TMTC1: variants seen among roughly 807,000 people sequenced by gnomAD.
TMTC1 encodes the protein transmembrane O-mannosyltransferase targeting cadherins 1.
A neutral mutation model predicts 104.8 loss-of-function variants in TMTC1; 73 were observed. The ratio of observed to expected loss-of-function variants is 0.70; its 90% confidence interval spans 0.58 to 0.85. The LOEUF is 0.85. TMTC1 is among the 40% of genes least tolerant of loss of function. TMTC1 has a pLI of 0.00. For synonymous variants in TMTC1, 434 were observed against 428.7 expected, an observed-to-expected ratio of 1.01 and a Z score of -0.15; for missense variants, 1,035 against 1,096.1, an observed-to-expected ratio of 0.94 and a Z score of 0.79.
chr12:29,563,272 A>C (rs1385542225), intron 9 of TMTC1, among the ~76,000 whole-genome samples: 2 of 152,170 alleles, frequency 1.3e-5, no homozygotes, highest in Non-Finnish European at 2.9e-5. Flanking sequence ...GTAATTGAAA[A>C]AGCTATATCC....
At chr12:29,750,364 C>G (rs1462531045) in intron 5 of TMTC1, among the ~76,000 whole-genome samples, 1 of 152,142 alleles carries the variant, frequency 6.6e-6, no homozygotes, top group African/African-American at 2.4e-5. Flanking sequence ...CCCTGCCTAA[C>G]TCTCTTCTGA....
At chr12:29,605,833 T>G (rs922453148) in intron 6 of TMTC1, among the ~76,000 whole-genome samples, 1 of 152,182 alleles carries the variant, frequency 6.6e-6, no homozygotes, top group Non-Finnish European at 1.5e-5. Flanking sequence ...TCGTACCCAA[T>G]AGCAAGTTTT....
At chr12:29,737,510 G>A (rs756064503) in intron 5 of TMTC1, among the ~76,000 whole-genome samples, 23 of 151,828 alleles carry the variant, frequency 1.5e-4, no homozygotes, top group Admixed American at 9.8e-4. Context: ...GTGAAACTCC[G>A]TCAAAAAAAT....
rs555054297 is a variant in TMTC1, at chr12:29,511,969, C to T, written c.2508+74G>A. 226 of 1,373,438 alleles carry T rather than the reference C, an allele frequency of 1.6e-4. No individual in the cohort carries two copies. The African/African-American group carries it at 2.9e-3, about 18-fold the overall frequency. The allele number at this position is 1,373,438 out of a possible 1,614,324, so 85.1% of individuals were successfully genotyped here. A position where few individuals can be genotyped will look rare whatever the true frequency, so the allele number is the denominator to read the frequency against. On this transcript the variant is annotated intron_variant, in intron 17 of 17. Transcript: ENST00000539277. Reference sequence around the variant, plus strand: ...GGAAATTAACAATAGTTCCTCAATCCTTTAAGAAAGAAGACAGAGAGAGAA... The same window carrying T: ...GGAAATTAACAATAGTTCCTCAATCTTTTAAGAAAGAAGACAGAGAGAGAA...
chr12:29,705,934 G>A (rs757479926), intron 5 of TMTC1, among the ~76,000 whole-genome samples: 36 of 151,362 alleles, frequency 2.4e-4, no homozygotes, highest in Non-Finnish European at 4.4e-4. Flanking sequence ...TGTCTGCTTC[G>A]GGCTGAAGAA....
chr12:29,781,327 C>T (rs1296822283), intron 1 of TMTC1, among the ~76,000 whole-genome samples: 1 of 152,134 alleles, frequency 6.6e-6, no homozygotes, highest in Non-Finnish European at 1.5e-5. Flanking sequence ...TACAGCAAGC[C>T]ATGCCTCTTA....
intron 9 of TMTC1, among the ~76,000 whole-genome samples, chr12:29,568,069 G>T (rs913649731): frequency 6.6e-6 from 1 of 151,976 alleles, no homozygotes; most frequent in African/African-American, 2.4e-5. Context: ...CATATGGGAG[G>T]GAATACAAAG....
At position 29,541,261 on chromosome 12, in the gene TMTC1, T is replaced by C. The variant is rs1197682996; in HGVS notation, c.1677-4944A>G. ...ATCCACGTTTTGAAAATCTGTTCCTTACCAAGCACACTGCTAAGCCGCCTA... is the reference window on the plus strand; with the variant it reads ...ATCCACGTTTTGAAAATCTGTTCCTCACCAAGCACACTGCTAAGCCGCCTA... On this transcript the variant is annotated intron_variant, in intron 10 of 17. Transcript: ENST00000539277. Among the ~76,000 whole-genome samples, 5 of 152,284 alleles carry C rather than the reference T, an allele frequency of 3.3e-5. No homozygotes were observed. The East Asian group carries it at 9.7e-4, about 29-fold the overall frequency.
chr12:29,660,049 T>C (rs1239601369), intron 5 of TMTC1: 1 of 1,246,786 alleles, frequency 8.0e-7, no homozygotes, highest in Non-Finnish European at 1.1e-6. Flanking sequence ...GCAGGTGCAT[T>C]CTGTTCCTCT....
chr12:29,767,953 C>G lies in TMTC1; in HGVS notation c.425G>C (p.Gly142Ala). ...TCDKTVFKNRGLAFVTALLFA... is the reference protein window; with the variant it reads ...TCDKTVFKNRALAFVTALLFA... ...AAGCAATGCCGTTACAAAAGCAAGT[C>G]CACGATTCTTGAAGACAGTTTTATC... Residue 142 changes from glycine to alanine, a missense_variant, in exon 2 of 18, where the codon GGA becomes GCA. By Grantham distance (60) the Gly-to-Ala change is moderately conservative. Coordinates refer to ENST00000539277, the MANE Select transcript of TMTC1 (RefSeq NM_001193451.2). The G allele has an allele frequency of 6.2e-7, 1 of 1,613,890 alleles. No individual in the cohort carries two copies. Among genetic ancestry groups the G allele is most frequent in the Non-Finnish European group, 8.5e-7 (1 of 1,179,886 alleles).
At chr12:29,514,705 G>A in intron 15 of TMTC1, 101 bp from the exon 16 acceptor site, 2 of 1,266,790 alleles carry the variant, frequency 1.6e-6, no homozygotes, top group Non-Finnish European at 2.2e-6. Context: ...GTGTCAGCAG[G>A]TATGGTATGT....
intron 5 of TMTC1, among the ~76,000 whole-genome samples, chr12:29,653,721 T>G (rs79899780): frequency 0.048 from 7,331 of 152,200 alleles, 206 homozygotes; most frequent in Admixed American, 0.068. Context: ...AAAAGGAAAG[T>G]TAAAAGATTA....
Position 29,572,214 on chromosome 12 carries a change from C to T in TMTC1, c.1423G>A (p.Gly475Arg). 1 of 1,610,504 alleles carries T rather than the reference C, an allele frequency of 6.2e-7. No homozygotes were observed. The highest frequency in any genetic ancestry group is 8.5e-7 in the Non-Finnish European group (1 of 1,176,918). Residue 475 changes from glycine to arginine, a missense_variant, in exon 9 of 18, where the codon GGA (glycine) becomes AGA (arginine). Physicochemically the swap from Gly to Arg is moderately radical, Grantham distance 125. Transcript: ENST00000539277. ...WLSRESLFRS[G>R]VQTLPHNAKV... ...GCATTGTGGGGCAGAGTTTGAACTC[C>T]AGACCTAAAATGAATAAATTTTTAA... is the stretch of plus-strand genomic sequence containing the variant.
chr12:29,517,432 C>T lies in TMTC1; in HGVS notation c.2164G>A (p.Ala722Thr), dbSNP rs779701666. Residue 722 changes from alanine (A) to threonine (T), a missense_variant, in exon 14 of 18, where the codon GCA becomes ACA. Ala to Thr is a moderately conservative substitution (Grantham distance 58, BLOSUM62 0). Coordinates refer to ENST00000539277, the MANE Select transcript of TMTC1 (RefSeq NM_001193451.2). ...TTTTCTTTCATCCTACTCACCAGTG[C>T]CAAGCGGAGCTCCCTCTGAGAAGGC... Reference protein sequence around the residue: ...LQPSQRELRLALAQVLAVMGQ... With the variant: ...LQPSQRELRLTLAQVLAVMGQ... 9.3e-6 allele frequency: 15 copies of T among 1,614,078 alleles called. No individual in the cohort carries two copies. Among genetic ancestry groups the T allele is most frequent in the Non-Finnish European group, 1.3e-5 (15 of 1,180,012 alleles).
At chr12:29,741,823 G>A (rs1942834413) in intron 5 of TMTC1, among the ~76,000 whole-genome samples, 1 of 152,098 alleles carries the variant, frequency 6.6e-6, no homozygotes, top group African/African-American at 2.4e-5. Flanking sequence ...TCTGGAGATC[G>A]GCACCCAATT....
intron 1 of TMTC1, among the ~76,000 whole-genome samples, chr12:29,769,023 T>G (rs1177682693): frequency 6.6e-6 from 1 of 152,174 alleles, no homozygotes; most frequent in Non-Finnish European, 1.5e-5. Context: ...TTCTAGTCAA[T>G]TTTACCAAAA....
At chr12:29,760,064 T>C (rs1348312140) in intron 2 of TMTC1, among the ~76,000 whole-genome samples, 3 of 152,180 alleles carry the variant, frequency 2.0e-5, no homozygotes, top group South Asian at 2.1e-4. Context: ...ATACTTACCA[T>C]TGTGTTACAG....
chr12:29,540,293 C>A (rs115941657), intron 10 of TMTC1, among the ~76,000 whole-genome samples: 249 of 152,274 alleles, frequency 1.6e-3, no homozygotes, highest in African/African-American at 5.7e-3. Context: ...CTGCCAAGGA[C>A]CATGCTAAGT....
rs1255126576 is a variant in TMTC1, at chr12:29,783,642, C to T, written c.110G>A (p.Ser37Asn). 2.1e-6 allele frequency: 3 copies of T among 1,432,464 alleles called. No homozygotes were observed. In the East Asian group the frequency reaches 9.1e-5, roughly 43 times the overall value. The allele number at this position is 1,432,464 out of a possible 1,614,324, so 88.7% of individuals were successfully genotyped here. The change falls in exon 1 of 18, where the codon AGC becomes AAC. Residue 37 changes from serine to asparagine, a missense_variant. Ser to Asn is a conservative substitution (Grantham distance 46, BLOSUM62 1). Coordinates refer to ENST00000539277, the MANE Select transcript of TMTC1 (RefSeq NM_001193451.2). The surrounding 1 kb of genome is among the most constrained non-coding windows in gnomAD (Gnocchi z 4.7). Reference sequence around the variant, plus strand: ...CAGGGAGCGGCCGTAGCACAGGCAGCTTGCCCCGGCCAGCAGCGCCGCGGC... The same window carrying T: ...CAGGGAGCGGCCGTAGCACAGGCAGTTTGCCCCGGCCAGCAGCGCCGCGGC... The part of the protein sequence containing the change: ...AGAAALLAGA[S>N]CLCYGRSLQG...
Sources: allele counts gnomAD v4.1 joint callset (sites outside exome capture counted in the v4.1 genomes callset), GRCh38; gene constraint gnomAD v4.1.1; non-coding constraint Gnocchi (gnomAD v3.1); transcripts MANE v1.5; gene names NCBI Gene and HGNC (gene_info 2026-07-23, HGNC 2026-07-21).